The following EIF2D variants were observed in gnomAD, a reference collection of about 807,000 sequenced individuals.
EIF2D encodes the protein hepatocellular carcinoma-associated antigen 56.
Under a neutral mutation model 77.4 loss-of-function variants are expected in EIF2D, and 56 were observed. The ratio of observed to expected loss-of-function variants is 0.72; its 90% CI spans 0.58 to 0.90. EIF2D has a LOEUF of 0.90. EIF2D is among the 40% of genes least tolerant of loss of function. The pLI is 0.00. For missense variants in EIF2D, 574 were observed against 706.5 expected (o/e 0.81, Z 2.13); for synonymous variants, 230 against 271.0 (o/e 0.85, Z 1.49).
At chr1:206,587,071 G>A (rs781790921), downstream of EIF2D, 5 of 1,481,628 alleles carry the variant, frequency 3.4e-6, no homozygotes, top group South Asian at 6.0e-5. Context: ...GGACATCTCT[G>A]GCAGGTGCAT....
At chr1:206,575,500 G>A (rs940523532) in intron 4 of EIF2D, among the ~76,000 whole-genome samples, 1 of 152,260 alleles carries the variant, frequency 6.6e-6, no homozygotes, top group East Asian at 1.9e-4. Flanking sequence ...AGAGAAAAGT[G>A]GTGAGCAGTG....
Position 206,593,621 on chromosome 1 carries a change from A to C in EIF2D, c.1682T>G (p.Leu561Arg), listed in dbSNP as rs1434296504. 1 of 1,605,440 alleles carries C rather than the reference A, an allele frequency of 6.2e-7. No homozygotes were observed. Among genetic ancestry groups the C allele is most frequent in the African/African-American group, 1.3e-5 (1 of 74,676 alleles). The part of the protein sequence containing the change: ...NQVHHLGWLL[L>R]EEYQLPRKHI... ...CACTCTTCAGAGGGGATGCTCACCA[A>C]GCAATAGCCAGCCGAGGTGGTGGAC... Residue 561 changes from leucine (L) to arginine (R), a missense_variant and splice_region_variant, in exon 14 of 15, where the codon CTT (leucine) becomes CGT (arginine). Transcript: ENST00000271764.
downstream of EIF2D, chr1:206,589,444 C>T (rs1553408551): frequency 1.3e-5 from 2 of 152,244 alleles, no homozygotes; most frequent in African/African-American, 4.8e-5. Flanking sequence ...GAAAAATTGT[C>T]CAAATGCGTA....
rs536358984 is a variant in EIF2D at position 206,610,648 on chromosome 1, G to A, written c.247+536C>T. ...ATCCTGGCTAACATGGTGAAATCCC[G>A]TCTCTACTAAAAAATGCAAAAAATT... On this transcript the variant is annotated intron_variant, in intron 2 of 14. Coordinates refer to ENST00000271764, the MANE Select transcript of EIF2D (RefSeq NM_006893.3). 2.6e-4 allele frequency among the ~76,000 whole-genome samples: 39 copies of A among 152,174 alleles called. No homozygotes were observed. The South Asian group carries it at 6.0e-3, about 23-fold the overall frequency.
downstream of EIF2D, chr1:206,591,633 G>A: frequency 1.3e-6 from 1 of 766,562 alleles, no homozygotes; most frequent in Non-Finnish European, 2.1e-6. Flanking sequence ...AAACAAGAGG[G>A]AAGTCAGATT....
intron 14 of EIF2D, 88 bp from the exon 15 acceptor site, chr1:206,591,933 C>T (rs1669357883): frequency 7.8e-7 from 1 of 1,276,712 alleles, no homozygotes; most frequent in South Asian, 1.2e-5. Flanking sequence ...CTCACAATGT[C>T]ATTCCACCCA....
chr1:206,608,148 G>T, intron 4 of EIF2D, 88 bp downstream of exon 4: 1 of 1,307,266 alleles, frequency 7.6e-7, no homozygotes, highest in Non-Finnish European at 1.1e-6. Context: ...TCACTCTTTT[G>T]TTCATATGCT....
At chr1:206,609,541 CT>C in intron 2 of EIF2D, 82 bp from the exon 3 acceptor site, 1 of 1,136,506 alleles carries the variant, frequency 8.8e-7, no homozygotes, top group Non-Finnish European at 1.3e-6. Context: ...ACTATGGTCA[CT>C]TTAATTAGAA....
chr1:206,600,352 T>C (rs1553411055), intron 7 of EIF2D, 44 bp from the exon 8 acceptor site: 3 of 1,579,084 alleles, frequency 1.9e-6, no homozygotes, highest in African/African-American at 1.3e-5. Flanking sequence ...TGAGCAGTCA[T>C]ACTGGGACCT....
At chr1:206,597,336 T>C (rs1430541299) in intron 11 of EIF2D, 141 bp from the exon 12 acceptor site, 5 of 609,668 alleles carry the variant, frequency 8.2e-6, no homozygotes, top group African/African-American at 3.7e-5. Context: ...CAAAAGGCAA[T>C]GTACCTTATG....
chr1:206,594,791 CATT>C (rs1445872157), intron 13 of EIF2D: 1 of 152,056 alleles, frequency 6.6e-6, no homozygotes, highest in Non-Finnish European at 1.5e-5. Context: ...TTCTATTTGT[CATT>C]ATTAACAGAA....
chr1:206,591,621 G>C, downstream of EIF2D: 1 of 719,814 alleles, frequency 1.4e-6, no homozygotes, highest in Non-Finnish European at 2.3e-6. Flanking sequence ...GCTAAGTGGA[G>C]GAAACAAGAG....
intron 5 of EIF2D, chr1:206,605,123 G>C (rs1284518348): frequency 3.9e-6 from 1 of 259,602 alleles, no homozygotes; most frequent in African/African-American, 2.2e-5. Flanking sequence ...ATAAAAAAAC[G>C]AGTATCACTG....
rs1183238383 is a variant in EIF2D, at chr1:206,579,824, A to C, written c.*254+868T>G. Among the ~76,000 whole-genome samples the C allele has an allele frequency of 6.6e-6, 1 of 152,200 alleles. No homozygotes were observed. The highest frequency in any genetic ancestry group is 1.5e-5 in the Non-Finnish European group (1 of 68,036). ...GGATTATACGCCATCTCTTGGGTGGAAAAAGGATCCGTGAGCCCTCGTGGC... is the reference window on the plus strand; with the variant it reads ...GGATTATACGCCATCTCTTGGGTGGCAAAAGGATCCGTGAGCCCTCGTGGC... On this transcript the variant is annotated intron_variant and NMD_transcript_variant, in intron 4 of 5. Transcript: ENST00000472709. This position sits in a 1 kb window ranked among gnomAD's most constrained non-coding sequence, Gnocchi z 4.2.
Position 206,584,843 on chromosome 1 carries a change from A to G in EIF2D, c.139-3681T>C, listed in dbSNP as rs893304097. On this transcript the variant is annotated intron_variant and NMD_transcript_variant, in intron 2 of 5. Transcript: ENST00000472709. The surrounding 1 kb of genome is among the most constrained non-coding windows in gnomAD (Gnocchi z 4.9). ...GTGTTCAGATCTGTGGAATCCGGGC[A>G]GGGAGGCAAGAGCAGAGTCCCTGAC... 1.7e-5 allele frequency: 13 copies of G among 754,880 alleles called. No individual in the cohort carries two copies. Among genetic ancestry groups the G allele is most frequent in the Non-Finnish European group, 2.8e-5 (13 of 470,836 alleles). 46.8% of individuals were successfully genotyped at this position (754,880 alleles called of 1,614,324 possible).
At chr1:206,585,453 G>C in intron 2 of EIF2D, 1 of 616,062 alleles carries the variant, frequency 1.6e-6, no homozygotes, top group Non-Finnish European at 2.9e-6. Context: ...GGGCCTGGGG[G>C]TCAGTGTTTC....
chr1:206,608,337 C>CA lies in EIF2D; in HGVS notation c.332-12dup, dbSNP rs782018148. On this transcript the variant is annotated splice_polypyrimidine_tract_variant and intron_variant, in intron 3 of 14. Transcript: ENST00000271764. ...CAGGCAGCATCAAATCTGCAATGAA[C>CA]AAAAAAAATCACAACCTGCATTCAG... is the stretch of plus-strand genomic sequence containing the variant. 23 of 1,601,776 alleles carry CA rather than the reference C, an allele frequency of 1.4e-5. No individual in the cohort carries two copies. Among genetic ancestry groups the CA allele is most frequent in the Middle Eastern group, 1.7e-4 (1 of 5,996 alleles).
chr1:206,611,088 G>A (rs901805767), intron 2 of EIF2D, 96 bp downstream of exon 2: 9 of 1,222,268 alleles, frequency 7.4e-6, no homozygotes, highest in Non-Finnish European at 1.0e-5. Flanking sequence ...TTTCGTGCTT[G>A]CTTATTTTAT....
At chr1:206,586,774 TA>T, downstream of EIF2D, 1 of 1,472,018 alleles carries the variant, frequency 6.8e-7, no homozygotes, top group Non-Finnish European at 9.4e-7. Context: ...TGTCAACTTC[TA>T]ACCTGTCTCC....
Sources: gnomAD v4.1 joint callset for allele counts (sites outside exome capture counted in the v4.1 genomes callset) on GRCh38, gnomAD v4.1.1 for gene constraint, Gnocchi (gnomAD v3.1) non-coding constraint, MANE v1.5 for transcripts, NCBI Gene and HGNC (gene_info 2026-07-23, HGNC 2026-07-21) for gene names.